CLU: variants seen among roughly 807,000 people sequenced by gnomAD.
CLU encodes the protein clusterin.
In CLU, 25 loss-of-function variants were observed where a neutral mutation model predicts 46.4. The observed-to-expected ratio is 0.54, with a 90% confidence interval of 0.39 to 0.75. CLU has a LOEUF of 0.75. CLU is among the 30% of genes least tolerant of loss of function. CLU has a pLI of 0.00. For missense variants in CLU, 504 were observed against 592.1 expected, an observed-to-expected ratio of 0.85 and a Z score of 1.54; for synonymous variants, 235 against 235.1, an observed-to-expected ratio of 1.00 and a Z score of 0.00.
At chr8:27,611,806 G>A (rs1401586264) in intron 1 of CLU, 1 of 454,860 alleles carries the variant, frequency 2.2e-6, no homozygotes, top group Non-Finnish European at 4.4e-6. Flanking sequence ...CAGAGATGGG[G>A]TAGGGGGCGG....
Position 27,599,944 on chromosome 8 carries a change from C to T in CLU, c.1000G>A (p.Ala334Thr), listed in dbSNP as rs1233698198. 13 of 1,614,032 alleles carry T rather than the reference C, an allele frequency of 8.1e-6. No homozygotes were observed. Among genetic ancestry groups the T allele is most frequent in the Admixed American group, 1.7e-5 (1 of 60,006 alleles). ...RRELDESLQV[A>T]ERLTRKYNEL... ...TTGTATTTCCTGGTCAACCTCTCAG[C>T]GACCTGGAGGGATTCGTCGAGCTCC... The change falls in exon 7 of 9, where the codon GCT becomes ACT. Residue 334 changes from alanine to threonine, a missense_variant. By Grantham distance (58) the Ala-to-Thr change is moderately conservative. Around this residue, in one of 3 missense-constraint regions of CLU, gnomAD observed 428 missense variants for 484.0 expected, o/e 0.88. Coordinates refer to ENST00000316403, the MANE Select transcript of CLU (RefSeq NM_001831.4). This position sits in a 1 kb window ranked among gnomAD's most constrained non-coding sequence, Gnocchi z 4.0.
At chr8:27,609,630 C>G (rs1585256173) in intron 2 of CLU, among the ~76,000 whole-genome samples, 1 of 152,178 alleles carries the variant, frequency 6.6e-6, no homozygotes, top group African/African-American at 2.4e-5. Flanking sequence ...TTATCCCATG[C>G]CAAGCACTGC....
intron 8 of CLU, 26 bp from the exon 9 acceptor site, chr8:27,598,276 A>G: frequency 6.2e-7 from 1 of 1,613,552 alleles, no homozygotes; most frequent in South Asian, 1.1e-5. Context: ...GTTATCCTCC[A>G]AAGTAAAACA....
At chr8:27,598,278 A>G (rs372604797) in intron 8 of CLU, 28 bp from the exon 9 acceptor site, 7 of 1,613,420 alleles carry the variant, frequency 4.3e-6, no homozygotes, top group Middle Eastern at 1.6e-4. Context: ...TATCCTCCAA[A>G]GTAAAACATC....
chr8:27,608,704 G>T (rs770127591), intron 3 of CLU: 18 of 603,748 alleles, frequency 3.0e-5, no homozygotes, highest in African/African-American at 5.6e-5. Context: ...ATGAATCTGG[G>T]CATTAGGCCC....
intron 6 of CLU, 127 bp downstream of exon 6, chr8:27,604,164 A>G: frequency 1.3e-6 from 1 of 759,326 alleles, no homozygotes; most frequent in Non-Finnish European, 2.3e-6. Flanking sequence ...ACACAGCTCA[A>G]AGGCTGCAGA....
intron 1 of CLU, 69 bp from the exon 2 acceptor site, chr8:27,610,669 T>G: frequency 1.0e-5 from 12 of 1,201,632 alleles, no homozygotes; most frequent in Non-Finnish European, 1.4e-5. Context: ...ACCTGCTGCC[T>G]GCAGCAGCTC....
rs143973192 is a variant in CLU at position 27,605,030 on chromosome 8, G to A, written c.723C>T (p.His241=). The A allele has an allele frequency of 1.5e-5, 25 of 1,614,004 alleles. No homozygotes were observed. Among genetic ancestry groups the A allele is most frequent in the African/African-American group, 8.0e-5 (6 of 74,894 alleles). Residue 241 remains histidine (H), a synonymous_variant, in exon 5 of 9, where the codon CAC becomes CAT. Coordinates refer to ENST00000316403, the MANE Select transcript of CLU (RefSeq NM_001831.4). ...PFSPYEPLNF[H]AMFQPFLEMI... is the part of the protein sequence containing the mutation. ...TCTCAAGGAAGGGCTGGAACATGGC[G>A]TGGAAGTTCAGGGGCTCGTACGGAG... is the stretch of plus-strand genomic sequence containing the variant.
chr8:27,610,556 G>C lies in CLU; in HGVS notation c.16C>G (p.Leu6Val), dbSNP rs1463321251. 20 of 1,614,092 alleles carry C rather than the reference G, an allele frequency of 1.2e-5. No individual in the cohort carries two copies. The highest frequency in any genetic ancestry group is 1.7e-5 in the Non-Finnish European group (20 of 1,180,012). ...GTCAGCAGCAGCCCCACAAACAGCA[G>C]CAGAGTCTTCATCATGCCTCCAATT... The part of the protein sequence containing the change: MMKTL[L>V]LFVGLLLTWE... Residue 6 changes from leucine (L) to valine (V), a missense_variant, in exon 2 of 9, where the codon CTG becomes GTG. Leu to Val is a conservative substitution (Grantham distance 32). Around this residue, in one of 3 missense-constraint regions of CLU, gnomAD observed 73 missense variants for 91.2 expected, o/e 0.80. Transcript: ENST00000316403.
At chr8:27,612,195 G>GA (rs1358192920) in intron 1 of CLU, among the ~76,000 whole-genome samples, 2 of 152,184 alleles carry the variant, frequency 1.3e-5, no homozygotes, top group Admixed American at 6.5e-5. Context: ...CGGTGAGGCT[G>GA]AAGCCCAGAG....
intron 1 of CLU, 134 bp from the exon 2 acceptor site, chr8:27,610,734 T>C (rs749107249): frequency 2.9e-6 from 2 of 682,796 alleles, no homozygotes; most frequent in Non-Finnish European, 2.6e-6. Context: ...TGCACTTTTA[T>C]TCCTGAGGAA....
At position 27,598,129 on chromosome 8, in the gene CLU, G is replaced by GGAAGAAAGAAAAGAAAAAGAAGAGTTCC; in HGVS notation, c.*111_*112insGGAACTCTTCTTTTTCTTTTCTTTCTTC. 9.3e-7 allele frequency: 1 copy of GGAAGAAAGAAAAGAAAAAGAAGAGTTCC among 1,079,772 alleles called. No individual in the cohort carries two copies. Among genetic ancestry groups the GGAAGAAAGAAAAGAAAAAGAAGAGTTCC allele is most frequent in the Non-Finnish European group, 1.4e-6 (1 of 707,304 alleles). 66.9% of individuals were successfully genotyped at this position (1,079,772 alleles called of 1,614,324 possible). A position where few individuals can be genotyped will look rare whatever the true frequency, so the allele number is the denominator to read the frequency against. On this transcript the variant is annotated 3_prime_UTR_variant, in exon 9 of 9. Coordinates refer to ENST00000316403, the MANE Select transcript of CLU (RefSeq NM_001831.4). ...GCTGGGCGGAGTTGGGGGCCTGGAGGCTGGGGCCTGGTTACTTGGTGACGT... is the reference window on the plus strand; with the variant it reads ...GCTGGGCGGAGTTGGGGGCCTGGAGGGAAGAAAGAAAAGAAAAAGAAGAGTTCCCTGGGGCCTGGTTACTTGGTGACGT...
chr8:27,613,317 C>T (rs1384230005), intron 1 of CLU, among the ~76,000 whole-genome samples: 6 of 149,866 alleles, frequency 4.0e-5, no homozygotes, highest in East Asian at 2.0e-4. Context: ...ACCCGGATGG[C>T]GGAGGTTGCA....
chr8:27,610,566 C>T lies in CLU; in HGVS notation c.6G>A (p.Met2Ile). 6.2e-7 allele frequency: 1 copy of T among 1,614,182 alleles called. No homozygotes were observed. The highest frequency in any genetic ancestry group is 8.5e-7 in the Non-Finnish European group (1 of 1,179,976). Residue 2 changes from methionine to isoleucine, a missense_variant, in exon 2 of 9, where the codon ATG becomes ATA. Met to Ile is a conservative substitution (Grantham distance 10). Transcript: ENST00000316403. M[M>I]KTLLLFVGLL... ...GCCCCACAAACAGCAGCAGAGTCTT[C>T]ATCATGCCTCCAATTCTGGAGTCTT...
In CLU at chr8:27,604,278, G is replaced by C. The variant is rs759264374; in HGVS notation, c.934+13C>G. On this transcript the variant is annotated intron_variant, in intron 6 of 8. Transcript: ENST00000316403. Reference sequence around the variant, plus strand: ...ATCAGGGGGGACGGCTTGTGGTCTGGACCCCGACTCACCCACAGACAAGAT... The same window carrying C: ...ATCAGGGGGGACGGCTTGTGGTCTGCACCCCGACTCACCCACAGACAAGAT... 6.2e-7 allele frequency: 1 copy of C among 1,609,192 alleles called. No individual in the cohort carries two copies.
Position 27,605,196 on chromosome 8 carries a change from A to C in CLU, c.557T>G (p.Ile186Ser). ...MQDHFSRASS[I>S]IDELFQDRFF... Reference sequence around the variant, plus strand: ...CCTGTCCTGGAAGAGCTCGTCTATGATGCTGGACGCGCGGCTGAAGTGGTC... The same window carrying C: ...CCTGTCCTGGAAGAGCTCGTCTATGCTGCTGGACGCGCGGCTGAAGTGGTC... Residue 186 changes from isoleucine to serine, a missense_variant, in exon 5 of 9, where the codon ATC becomes AGC. This residue lies in a region of CLU where 428 missense variants were observed against 484.0 expected (regional missense o/e 0.88). Transcript: ENST00000316403. 6.2e-7 allele frequency: 1 copy of C among 1,614,182 alleles called. No individual in the cohort carries two copies. Among genetic ancestry groups the C allele is most frequent in the Non-Finnish European group, 8.5e-7 (1 of 1,180,026 alleles).
chr8:27,599,237 G>T lies in CLU; in HGVS notation c.1164+543C>A. The stretch of plus-strand genomic sequence containing the variant: ...TGATTTTTGTATTTTTTGTAGAGAG[G>T]GAATCTTGCTGTGTTGCCCAGGCTG... On this transcript the variant is annotated intron_variant, in intron 7 of 8. Transcript: ENST00000316403. This position sits in a 1 kb window ranked among gnomAD's most constrained non-coding sequence, Gnocchi z 4.0. 6.1e-6 allele frequency: 1 copy of T among 163,284 alleles called. No individual in the cohort carries two copies. The highest frequency in any genetic ancestry group is 1.3e-5 in the Non-Finnish European group (1 of 74,830). 10.1% of individuals were successfully genotyped at this position (163,284 alleles called of 1,614,324 possible). A position where few individuals can be genotyped will look rare whatever the true frequency, so the allele number is the denominator to read the frequency against.
At chr8:27,606,596 G>A in intron 3 of CLU, 72 bp from the exon 4 acceptor site, 4 of 1,586,320 alleles carry the variant, frequency 2.5e-6, no homozygotes, top group Non-Finnish European at 3.5e-6. Flanking sequence ...GCTGCTGGGT[G>A]CCAGGCCCTC....
chr8:27,605,031 T>A lies in CLU; in HGVS notation c.722A>T (p.His241Leu), dbSNP rs1800792456. ...CTCAAGGAAGGGCTGGAACATGGCG[T>A]GGAAGTTCAGGGGCTCGTACGGAGA... ...PFSPYEPLNF[H>L]AMFQPFLEMI... Residue 241 changes from histidine to leucine, a missense_variant, in exon 5 of 9, where the codon CAC becomes CTC. His to Leu is a moderately conservative substitution (Grantham distance 99, BLOSUM62 -3). This residue lies in a region of CLU where 428 missense variants were observed against 484.0 expected (regional missense o/e 0.88). Transcript: ENST00000316403. The A allele has an allele frequency of 1.2e-6, 2 of 1,613,588 alleles. No homozygotes were observed.
Sources: gnomAD v4.1 joint callset for allele counts (sites outside exome capture counted in the v4.1 genomes callset) on GRCh38, gnomAD v4.1.1 for gene constraint, gnomAD v4.1.1 regional missense constraint, Gnocchi (gnomAD v3.1) non-coding constraint, MANE v1.5 for transcripts, NCBI Gene and HGNC (gene_info 2026-07-23, HGNC 2026-07-21) for gene names.